Variants in CADM2 observed in about 807,000 individuals in gnomAD.
CADM2 encodes the protein immunoglobulin superfamily member 4D.
Under a neutral mutation model 49.8 loss-of-function variants are expected in CADM2, and 12 were observed. The ratio of observed to expected loss-of-function variants is 0.24; its 90% CI spans 0.15 to 0.39. CADM2 has a LOEUF of 0.39. CADM2 is among the 10% of genes least tolerant of loss of function. The pLI is 1.00. For synonymous variants in CADM2, 214 were observed against 175.4 expected, an observed-to-expected ratio of 1.22 and a Z score of -1.74; for missense variants, 378 against 492.3, an observed-to-expected ratio of 0.77 and a Z score of 2.20.
chr3:85,954,953 A>T (rs1429295618), intron 7 of CADM2, among the ~76,000 whole-genome samples: 1 of 151,190 alleles, frequency 6.6e-6, no homozygotes, highest in African/African-American at 2.4e-5. Context: ...TTAAGTTTTT[A>T]AAAAACTCCC....
chr3:85,747,173 A>G (rs2068651792), intron 2 of CADM2, among the ~76,000 whole-genome samples: 1 of 152,046 alleles, frequency 6.6e-6, no homozygotes, highest in Non-Finnish European at 1.5e-5. Context: ...CAATTCACCA[A>G]CACCAAGCAA....
intron 1 of CADM2, among the ~76,000 whole-genome samples, chr3:85,668,721 A>G (rs1313317588): frequency 6.6e-6 from 1 of 152,156 alleles, no homozygotes; most frequent in Non-Finnish European, 1.5e-5. Flanking sequence ...CTGTAAGTCC[A>G]TTAAACCTCT....
Position 85,542,828 on chromosome 3 carries a change from T to C in CADM2, c.62-183694T>C, listed in dbSNP as rs188288617. Among the ~76,000 whole-genome samples the C allele has an allele frequency of 7.5e-4, 115 of 152,324 alleles. 2 individuals carry two copies. The South Asian group carries it at 0.024, about 31-fold the overall frequency. On this transcript the variant is annotated intron_variant, in intron 1 of 9. Transcript: ENST00000383699. ...AGTTTAGCATCAAATATGTTAACCC[T>C]AACGTCAAGAGTGGCAAATATTTCA...
intron 1 of CADM2, among the ~76,000 whole-genome samples, chr3:85,379,526 G>A (rs75938547): frequency 3.9e-5 from 6 of 152,000 alleles, no homozygotes; most frequent in East Asian, 3.9e-4. Context: ...TGACTTTCAT[G>A]TTCAACTCTC....
chr3:85,660,136 G>T (rs748142072), intron 1 of CADM2, among the ~76,000 whole-genome samples: 2 of 152,062 alleles, frequency 1.3e-5, no homozygotes, highest in Non-Finnish European at 2.9e-5. Context: ...TCTAGGGCAG[G>T]CTCTCAGTGA....
intron 1 of CADM2, among the ~76,000 whole-genome samples, chr3:85,189,038 T>A (rs962255758): frequency 7.0e-6 from 1 of 142,610 alleles, no homozygotes; most frequent in African/African-American, 2.6e-5. Flanking sequence ...CTCAAAAAAA[T>A]AATAATAGTA....
chr3:85,129,618 C>A (rs1198242469), intron 1 of CADM2, among the ~76,000 whole-genome samples: 1 of 152,168 alleles, frequency 6.6e-6, no homozygotes, highest in Non-Finnish European at 1.5e-5. Flanking sequence ...CACACACATT[C>A]TTATCGCCTG....
At chr3:85,410,886 T>C (rs764980743) in intron 1 of CADM2, among the ~76,000 whole-genome samples, 2 of 152,148 alleles carry the variant, frequency 1.3e-5, no homozygotes, top group African/African-American at 2.4e-5. Context: ...ATGGACAGCC[T>C]CAAACAAGAG....
At chr3:85,595,751 A>G (rs1035143263) in intron 1 of CADM2, among the ~76,000 whole-genome samples, 2 of 152,018 alleles carry the variant, frequency 1.3e-5, no homozygotes, top group African/African-American at 2.4e-5. Flanking sequence ...AATAAAAAGT[A>G]ATATTTAAGT....
At chr3:85,941,261 T>C (rs1051056357) in intron 7 of CADM2, among the ~76,000 whole-genome samples, 1 of 152,114 alleles carries the variant, frequency 6.6e-6, no homozygotes, top group Admixed American at 6.6e-5. Flanking sequence ...GTCTTACTTA[T>C]ATATTTAATA....
intron 1 of CADM2, among the ~76,000 whole-genome samples, chr3:85,498,958 G>A (rs536691324): frequency 9.9e-4 from 150 of 152,172 alleles, no homozygotes; most frequent in African/African-American, 3.4e-3. Context: ...TGACATTTGC[G>A]TAATGTTTTC....
intron 1 of CADM2, among the ~76,000 whole-genome samples, chr3:85,449,082 A>T (rs62250708): frequency 0.065 from 7,323 of 112,626 alleles, 309 homozygotes; most frequent in Non-Finnish European, 0.094. Context: ...ATAATGATAA[A>T]AATTATATAA....
intron 1 of CADM2, among the ~76,000 whole-genome samples, chr3:85,000,114 T>TTCTCTCTCTCTCTG (rs139671046): frequency 7.3e-6 from 1 of 136,836 alleles, no homozygotes; most frequent in African/African-American, 2.8e-5. Context: ...TGCTTCTACT[T>TTCTCTCTCTCTCTG]TCTCTCTCTC....
chr3:85,190,438 C>G (rs1231357143), intron 1 of CADM2, among the ~76,000 whole-genome samples: 2 of 151,930 alleles, frequency 1.3e-5, no homozygotes, highest in Non-Finnish European at 2.9e-5. Context: ...AGGTACATTC[C>G]TTTGTTTGCT....
intron 7 of CADM2, among the ~76,000 whole-genome samples, chr3:85,942,208 T>C (rs1722004782): frequency 6.6e-6 from 1 of 151,822 alleles, no homozygotes; most frequent in Admixed American, 6.6e-5. Context: ...CATATTTCAA[T>C]CAAATAGTTG....
chr3:85,326,116 C>T (rs2044743087), intron 1 of CADM2, among the ~76,000 whole-genome samples: 1 of 152,048 alleles, frequency 6.6e-6, no homozygotes, highest in East Asian at 1.9e-4. Context: ...CTTTAAATAA[C>T]CTGTGATTTA....
At chr3:85,958,672 G>A (rs1246682732) in intron 7 of CADM2, among the ~76,000 whole-genome samples, 1 of 151,934 alleles carries the variant, frequency 6.6e-6, no homozygotes, top group African/African-American at 2.4e-5. Flanking sequence ...TGATAGACTG[G>A]ATGAGGAAAA....
intron 3 of CADM2, among the ~76,000 whole-genome samples, chr3:85,878,133 A>C (rs563672822): frequency 6.6e-6 from 1 of 152,220 alleles, no homozygotes; most frequent in South Asian, 2.1e-4. Context: ...ACTATTAAGA[A>C]AATGTACACA....
chr3:85,384,806 A>C (rs1184406142), intron 1 of CADM2, among the ~76,000 whole-genome samples: 1 of 151,780 alleles, frequency 6.6e-6, no homozygotes, highest in Non-Finnish European at 1.5e-5. Context: ...AAAAGCTTTA[A>C]ATTTCAAATT....
Sources: gnomAD v4.1 joint callset for allele counts (sites outside exome capture counted in the v4.1 genomes callset) on GRCh38, gnomAD v4.1.1 for gene constraint, MANE v1.5 for transcripts, NCBI Gene and HGNC (gene_info 2026-07-23, HGNC 2026-07-21) for gene names.